ADGB: variants seen among roughly 807,000 people sequenced by gnomAD.
ADGB encodes the protein calpain-7-like protein.
A neutral mutation model predicts 210.5 loss-of-function variants in ADGB; 172 were observed. That is an observed-to-expected ratio of 0.82 (90% CI 0.72 to 0.93). The LOEUF (loss-of-function observed/expected upper bound fraction) is 0.93, where lower values mean the gene tolerates loss of function less well. Ranked by LOEUF, ADGB falls within the 40% of genes least tolerant of loss-of-function variation. The pLI is 0.00. For synonymous variants in ADGB, 658 were observed against 662.7 expected (o/e 0.99, Z 0.11); for missense variants, 2,025 against 1,964.8 (o/e 1.03, Z -0.58).
chr6:146,600,844 T>A (rs1412673560), intron 1 of ADGB, among the ~76,000 whole-genome samples: 4 of 151,760 alleles, frequency 2.6e-5, no homozygotes, highest in Non-Finnish European at 5.9e-5. Context: ...TCAAAAGTGT[T>A]TAGTGAATGA....
intron 20 of ADGB, 118 bp downstream of exon 20, chr6:146,728,859 A>G: frequency 2.4e-6 from 2 of 844,200 alleles, no homozygotes; most frequent in Non-Finnish European, 3.4e-6. Flanking sequence ...TGGAGATAAT[A>G]TATTTGGGAA....
At chr6:146,656,114 T>C (rs1271968506) in intron 4 of ADGB, among the ~76,000 whole-genome samples, 5 of 152,180 alleles carry the variant, frequency 3.3e-5, no homozygotes, top group African/African-American at 1.2e-4. Context: ...GAAGCAACTT[T>C]CCCAGCAGCA....
At chr6:146,680,135 A>T (rs1028971194) in intron 9 of ADGB, among the ~76,000 whole-genome samples, 8 of 152,170 alleles carry the variant, frequency 5.3e-5, no homozygotes, top group African/African-American at 1.9e-4. Flanking sequence ...ATATTTTCCC[A>T]GCCTCTTTTA....
intron 26 of ADGB, among the ~76,000 whole-genome samples, chr6:146,747,839 G>A (rs952619108): frequency 4.7e-5 from 7 of 148,732 alleles, no homozygotes; most frequent in African/African-American, 1.7e-4. Context: ...ATGTAGTACA[G>A]CGGCACGATC....
chr6:146,773,559 T>C (rs1777683928), intron 29 of ADGB, among the ~76,000 whole-genome samples: 1 of 152,220 alleles, frequency 6.6e-6, no homozygotes, highest in Non-Finnish European at 1.5e-5. Context: ...TTAGTAGTTT[T>C]CATGCATTCT....
At chr6:146,657,013 G>T in intron 5 of ADGB, 33 bp downstream of exon 5, 1 of 1,498,436 alleles carries the variant, frequency 6.7e-7, no homozygotes, top group South Asian at 1.2e-5. Context: ...AAAAACTCAT[G>T]AGTCTTTCAT....
At chr6:146,757,358 G>A (rs936352756) in intron 27 of ADGB, among the ~76,000 whole-genome samples, 7 of 151,832 alleles carry the variant, frequency 4.6e-5, no homozygotes, top group African/African-American at 9.7e-5. Context: ...AATATGTATA[G>A]TGAACAAATA....
At position 146,733,099 on chromosome 6, in the gene ADGB, A is replaced by T. The variant is rs1235019924; in HGVS notation, c.2521-21A>T. Reference sequence around the variant, plus strand: ...CAGATGATGGTATTTTCTTGCTATAAAAAAAATTTATGTGTTTCAGGTTTT... The same window carrying T: ...CAGATGATGGTATTTTCTTGCTATATAAAAAATTTATGTGTTTCAGGTTTT... On this transcript the variant is annotated intron_variant, in intron 20 of 35. Coordinates refer to ENST00000397944, the MANE Select transcript of ADGB (RefSeq NM_024694.4). 5 of 1,429,184 alleles carry T rather than the reference A, an allele frequency of 3.5e-6. No homozygotes were observed. The East Asian group carries it at 1.3e-4, about 38-fold the overall frequency. The allele number at this position is 1,429,184 out of a possible 1,614,324, so 88.5% of individuals were successfully genotyped here.
intron 8 of ADGB, among the ~76,000 whole-genome samples, chr6:146,675,963 G>A (rs1288237965): frequency 6.6e-6 from 1 of 152,016 alleles, no homozygotes; most frequent in Admixed American, 6.6e-5. Flanking sequence ...TTCAGCACAG[G>A]CTTTGCTGTG....
chr6:146,688,637 G>A (rs938094489), intron 10 of ADGB, among the ~76,000 whole-genome samples: 1 of 152,144 alleles, frequency 6.6e-6, no homozygotes, highest in African/African-American at 2.4e-5. Context: ...TTAGCCCAGT[G>A]TCTGGAACAG....
At chr6:146,737,875 T>G (rs752111422) in intron 23 of ADGB, among the ~76,000 whole-genome samples, 1 of 152,204 alleles carries the variant, frequency 6.6e-6, no homozygotes, top group Non-Finnish European at 1.5e-5. Context: ...GACCATTTCA[T>G]GGAATCTCAG....
At chr6:146,700,386 A>G (rs1317575878) in intron 12 of ADGB, among the ~76,000 whole-genome samples, 2 of 152,208 alleles carry the variant, frequency 1.3e-5, no homozygotes, top group Non-Finnish European at 2.9e-5. Flanking sequence ...GTCTATGTAC[A>G]TGGAATTTAT....
chr6:146,737,998 C>A (rs1450252803), intron 23 of ADGB, among the ~76,000 whole-genome samples: 1 of 152,164 alleles, frequency 6.6e-6, no homozygotes, highest in Non-Finnish European at 1.5e-5. Flanking sequence ...CCAGTGGCAT[C>A]CAAAGCTACC....
At chr6:146,618,266 T>G (rs1206698141) in intron 1 of ADGB, among the ~76,000 whole-genome samples, 15 of 149,232 alleles carry the variant, frequency 1.0e-4, no homozygotes, top group South Asian at 4.2e-4. Flanking sequence ...AGTCTTACGG[T>G]TTTTTTTTTC....
intron 23 of ADGB, among the ~76,000 whole-genome samples, chr6:146,737,086 A>T (rs1305875606): frequency 6.6e-6 from 1 of 152,076 alleles, no homozygotes; most frequent in Non-Finnish European, 1.5e-5. Context: ...TATACACACC[A>T]TACATTATGG....
At chr6:146,693,037 A>AT in intron 12 of ADGB, 122 bp downstream of exon 12, 1 of 580,340 alleles carries the variant, frequency 1.7e-6, no homozygotes, top group Non-Finnish European at 3.0e-6. Flanking sequence ...ATAAGCCCAA[A>AT]TACATGTAAA....
intron 33 of ADGB, among the ~76,000 whole-genome samples, chr6:146,799,755 T>C (rs976864858): frequency 6.6e-6 from 1 of 152,040 alleles, no homozygotes; most frequent in Non-Finnish European, 1.5e-5. Context: ...GATATCTCTG[T>C]ATGTACTTCC....
chr6:146,694,682 A>C (rs752667507), intron 12 of ADGB, among the ~76,000 whole-genome samples: 1 of 152,148 alleles, frequency 6.6e-6, no homozygotes, highest in Non-Finnish European at 1.5e-5. Context: ...TTAGCTCCCT[A>C]TCTACATGAA....
At chr6:146,666,689 A>AT (rs1033780880) in intron 6 of ADGB, 127 bp from the exon 7 acceptor site, 4 of 465,050 alleles carry the variant, frequency 8.6e-6, no homozygotes, top group African/African-American at 7.9e-5. Context: ...CTGGGATAGT[A>AT]TTTTTTAATA....
Sources: gnomAD v4.1 joint callset for allele counts (sites outside exome capture counted in the v4.1 genomes callset) on GRCh38, gnomAD v4.1.1 for gene constraint, MANE v1.5 for transcripts, NCBI Gene and HGNC (gene_info 2026-07-23, HGNC 2026-07-21) for gene names.